The following ASIC2 variants were observed in gnomAD, a reference collection of about 807,000 sequenced individuals.
ASIC2 encodes acid-sensing ion channel 2.
In ASIC2, 25 loss-of-function variants were observed where a neutral mutation model predicts 57.3. The ratio of observed to expected loss-of-function variants is 0.44; its 90% CI spans 0.32 to 0.61. ASIC2 has a LOEUF of 0.61. Among genes scored for constraint, ASIC2 ranks in the 20% least tolerant of loss-of-function variants. The pLI is 0.06. For synonymous variants in ASIC2, 319 were observed against 307.5 expected (o/e 1.04, Z -0.39); for missense variants, 641 against 738.1 (o/e 0.87, Z 1.52).
intron 2 of ASIC2, among the ~76,000 whole-genome samples, chr17:33,094,424 TACCAGG>T (rs2092169941): frequency 6.6e-6 from 1 of 152,170 alleles, no homozygotes; most frequent in Admixed American, 6.5e-5. Flanking sequence ...CTGCTACAAG[TACCAGG>T]ATGCTGCACT....
intron 1 of ASIC2, among the ~76,000 whole-genome samples, chr17:33,451,894 T>C (rs912507061): frequency 6.6e-6 from 1 of 152,228 alleles, no homozygotes; most frequent in Admixed American, 6.5e-5. Flanking sequence ...TTGACTACTA[T>C]TCTCCCTTAT....
intron 1 of ASIC2, among the ~76,000 whole-genome samples, chr17:33,848,222 C>A (rs1913667403): frequency 6.6e-6 from 1 of 152,092 alleles, no homozygotes; most frequent in African/African-American, 2.4e-5. Context: ...TCTACTGGAG[C>A]TAACATGGGC....
intron 1 of ASIC2, among the ~76,000 whole-genome samples, chr17:33,759,830 A>T (rs561761722): frequency 2.6e-5 from 4 of 152,320 alleles, no homozygotes; most frequent in African/African-American, 7.2e-5. Context: ...AGAAAGCAGA[A>T]GCTGTGGAGG....
At chr17:33,036,543 G>A (rs1311335040) in intron 3 of ASIC2, among the ~76,000 whole-genome samples, 1 of 152,008 alleles carries the variant, frequency 6.6e-6, no homozygotes, top group Non-Finnish European at 1.5e-5. Flanking sequence ...CGATCTTCCC[G>A]CCTCAGCCTC....
chr17:34,033,684 C>T (rs527804886), intron 1 of ASIC2, among the ~76,000 whole-genome samples: 3 of 152,318 alleles, frequency 2.0e-5, no homozygotes, highest in South Asian at 2.1e-4. Flanking sequence ...AAGGGGCTAT[C>T]ATCACCGATC....
chr17:33,554,431 C>T (rs1405894675), intron 1 of ASIC2, among the ~76,000 whole-genome samples: 1 of 151,730 alleles, frequency 6.6e-6, no homozygotes, highest in Non-Finnish European at 1.5e-5. Flanking sequence ...AAGGGAGTGA[C>T]CATAGAAGGG....
chr17:33,029,986 G>A (rs923968091), intron 3 of ASIC2, among the ~76,000 whole-genome samples: 1 of 151,966 alleles, frequency 6.6e-6, no homozygotes, highest in African/African-American at 2.4e-5. Flanking sequence ...TTTACTTTTG[G>A]GTTGTAAGAG....
At chr17:33,469,604 G>C (rs1477153450) in intron 1 of ASIC2, among the ~76,000 whole-genome samples, 2 of 152,166 alleles carry the variant, frequency 1.3e-5, no homozygotes, top group African/African-American at 2.4e-5. Flanking sequence ...CAATGGCAAA[G>C]AGTCTCAGCT....
intron 1 of ASIC2, among the ~76,000 whole-genome samples, chr17:33,966,951 TG>T (rs1390386493): frequency 2.6e-5 from 4 of 151,666 alleles, no homozygotes; most frequent in Non-Finnish European, 5.9e-5. Context: ...ATGTGGGCCC[TG>T]CTCCCCTGTT....
chr17:33,030,404 A>T (rs552701481), intron 3 of ASIC2, among the ~76,000 whole-genome samples: 24 of 152,292 alleles, frequency 1.6e-4, no homozygotes, highest in Admixed American at 1.4e-3. Flanking sequence ...TCTTTCTCTC[A>T]GCGTAATGTT....
intron 1 of ASIC2, among the ~76,000 whole-genome samples, chr17:33,161,399 T>C (rs1428453093): frequency 6.6e-6 from 1 of 152,222 alleles, no homozygotes; most frequent in Non-Finnish European, 1.5e-5. Context: ...TTTGCATGCA[T>C]GTCTGCTTAA....
chr17:33,075,802 G>A (rs181354105), intron 3 of ASIC2, among the ~76,000 whole-genome samples: 1 of 152,164 alleles, frequency 6.6e-6, no homozygotes, highest in South Asian at 2.1e-4. Flanking sequence ...CAAGCAAAAG[G>A]CATGGAAGTG....
At chr17:33,375,025 G>T (rs1273281879) in intron 1 of ASIC2, among the ~76,000 whole-genome samples, 1 of 152,168 alleles carries the variant, frequency 6.6e-6, no homozygotes, top group East Asian at 1.9e-4. Context: ...ATTTTTTAAA[G>T]AAATCTGAGT....
chr17:33,425,819 A>C (rs996120433), intron 1 of ASIC2, among the ~76,000 whole-genome samples: 5 of 152,154 alleles, frequency 3.3e-5, no homozygotes, highest in Non-Finnish European at 5.9e-5. Flanking sequence ...TCACTGACAG[A>C]TTCTACAACA....
chr17:34,050,874 T>C (rs754973178), intron 1 of ASIC2, among the ~76,000 whole-genome samples: 1 of 152,194 alleles, frequency 6.6e-6, no homozygotes, highest in Non-Finnish European at 1.5e-5. Context: ...GTTTCAGCTC[T>C]AGTACCCAGC....
intron 1 of ASIC2, among the ~76,000 whole-genome samples, chr17:33,977,267 G>C (rs938374844): frequency 1.3e-5 from 2 of 152,136 alleles, no homozygotes; most frequent in African/African-American, 4.8e-5. Context: ...TGGATACAGG[G>C]GGCTGACCAC....
intron 1 of ASIC2, among the ~76,000 whole-genome samples, chr17:33,546,800 G>A (rs528901957): frequency 1.3e-5 from 2 of 152,212 alleles, no homozygotes; most frequent in African/African-American, 4.8e-5. Context: ...ACGTGTAGCT[G>A]GCACAGGACC....
intron 1 of ASIC2, among the ~76,000 whole-genome samples, chr17:33,512,458 C>A (rs1027446253): frequency 6.6e-6 from 1 of 152,184 alleles, no homozygotes; most frequent in Non-Finnish European, 1.5e-5. Context: ...GAGAACACTT[C>A]TTTCCACTTA....
At chr17:33,895,472 C>T (rs1238040434) in intron 1 of ASIC2, among the ~76,000 whole-genome samples, 3 of 152,272 alleles carry the variant, frequency 2.0e-5, no homozygotes, top group African/African-American at 7.2e-5. Flanking sequence ...ATGTGTTTAG[C>T]ACCTTGCCTG....
Sources: gnomAD v4.1 joint callset for allele counts (sites outside exome capture counted in the v4.1 genomes callset) on GRCh38, gnomAD v4.1.1 for gene constraint, MANE v1.5 for transcripts, NCBI Gene and HGNC (gene_info 2026-07-23, HGNC 2026-07-21) for gene names.